Variants in SHISA9 observed in about 807,000 individuals in gnomAD.
SHISA9 encodes shisa family member 9, also known as protein shisa-9.
Under a neutral mutation model 38.0 loss-of-function variants are expected in SHISA9, and 13 were observed. That is an observed-to-expected ratio of 0.34 (90% confidence interval 0.22 to 0.54). The LOEUF (loss-of-function observed/expected upper bound fraction) is 0.54, where lower values mean the gene tolerates loss of function less well. SHISA9 is among the 20% of genes least tolerant of loss of function. The pLI, the probability that SHISA9 is intolerant of heterozygous loss-of-function variation, is 0.91. For synonymous variants in SHISA9, 275 were observed against 242.0 expected (o/e 1.14, Z -1.27); for missense variants, 538 against 575.8 (o/e 0.93, Z 0.67).
At chr16:12,926,483 T>A (rs1246876014) in intron 2 of SHISA9, among the ~76,000 whole-genome samples, 1 of 152,210 alleles carries the variant, frequency 6.6e-6, no homozygotes, top group African/African-American at 2.4e-5. Context: ...TATGTGCCAG[T>A]CAATGTGCCA....
chr16:13,200,292 G>C (rs961457075), intron 2 of SHISA9, among the ~76,000 whole-genome samples: 2 of 151,978 alleles, frequency 1.3e-5, no homozygotes, highest in East Asian at 3.9e-4. Flanking sequence ...ATCGCCACTT[G>C]AGTTGTGTGA....
At chr16:12,949,971 A>G (rs949136973) in intron 2 of SHISA9, among the ~76,000 whole-genome samples, 1 of 152,186 alleles carries the variant, frequency 6.6e-6, no homozygotes. Context: ...TACTGCTTCT[A>G]TCTAGCTGCA....
chr16:13,432,351 A>G, the SHISA9 span, among the ~76,000 whole-genome samples: 3 of 152,216 alleles, frequency 2.0e-5, no homozygotes, highest in South Asian at 2.1e-4. Context: ...AAAAGTTGCA[A>G]ATCTGGAATG....
rs1317138646 is a variant in SHISA9 at position 13,240,307 on chromosome 16, T to G, written c.*4898T>G. On this transcript the variant is annotated 3_prime_UTR_variant, in exon 5 of 5. Transcript: ENST00000558583. ...ATGATACGAATAATTCTTCCTACAA[T>G]GAAGAAAAAAACACATTTGTTTGTT... The G allele has an allele frequency of 1.3e-5, 2 of 152,308 alleles. No individual in the cohort carries two copies. Among genetic ancestry groups the G allele is most frequent in the African/African-American group, 4.8e-5 (2 of 41,570 alleles). The allele number at this position is 152,308 out of a possible 1,614,324, so 9.4% of individuals were successfully genotyped here.
intron 2 of SHISA9, among the ~76,000 whole-genome samples, chr16:13,178,584 C>T (rs1219872337): frequency 1.3e-5 from 2 of 152,108 alleles, no homozygotes; most frequent in Non-Finnish European, 2.9e-5. Context: ...CATCTAGCTC[C>T]GAGATGCTGG....
At chr16:13,171,018 C>A (rs1189374285) in intron 2 of SHISA9, among the ~76,000 whole-genome samples, 1 of 152,040 alleles carries the variant, frequency 6.6e-6, no homozygotes, top group Non-Finnish European at 1.5e-5. Context: ...TTTGATTCAC[C>A]CTTCTGCAGG....
intron 2 of SHISA9, among the ~76,000 whole-genome samples, chr16:13,175,432 A>T (rs984267298): frequency 6.6e-6 from 1 of 152,164 alleles, no homozygotes; most frequent in Non-Finnish European, 1.5e-5. Context: ...TATGTTCCAG[A>T]GATGCTATAA....
intron 1 of SHISA9, among the ~76,000 whole-genome samples, chr16:12,911,919 A>G (rs2071189101): frequency 1.3e-5 from 2 of 152,228 alleles, no homozygotes; most frequent in African/African-American, 2.4e-5. Context: ...ATTACTTTCA[A>G]TGTCAAAAAC....
At chr16:13,210,130 T>C (rs2051104243) in intron 3 of SHISA9, among the ~76,000 whole-genome samples, 1 of 152,120 alleles carries the variant, frequency 6.6e-6, no homozygotes, top group Non-Finnish European at 1.5e-5. Context: ...TAAAGCTCAC[T>C]TGGTGGTTCA....
the SHISA9 span, among the ~76,000 whole-genome samples, chr16:13,276,028 G>A: frequency 1.3e-5 from 2 of 151,846 alleles, no homozygotes; most frequent in African/African-American, 2.4e-5. Context: ...CCCATCATGC[G>A]AGCAGTATAC....
chr16:13,433,169 C>T, the SHISA9 span, among the ~76,000 whole-genome samples: 1 of 151,336 alleles, frequency 6.6e-6, no homozygotes, highest in Non-Finnish European at 1.5e-5. Flanking sequence ...CTTATTAATG[C>T]TTACCATGTT....
At chr16:13,063,878 C>T (rs951234910) in intron 2 of SHISA9, among the ~76,000 whole-genome samples, 4 of 152,146 alleles carry the variant, frequency 2.6e-5, no homozygotes, top group African/African-American at 9.7e-5. Context: ...TAGCCCTAAC[C>T]CATTCTGACA....
At chr16:13,257,781 C>G in the SHISA9 span, among the ~76,000 whole-genome samples, 15 of 152,192 alleles carry the variant, frequency 9.9e-5, no homozygotes, top group African/African-American at 3.6e-4. Context: ...ATATTTTAGG[C>G]TCCCTTCTGT....
At chr16:13,263,004 C>T in the SHISA9 span, among the ~76,000 whole-genome samples, 1 of 152,136 alleles carries the variant, frequency 6.6e-6, no homozygotes, top group Non-Finnish European at 1.5e-5. Flanking sequence ...TCAATCTAGA[C>T]AATAAGAAGC....
At chr16:13,411,994 C>A in the SHISA9 span, among the ~76,000 whole-genome samples, 1 of 151,760 alleles carries the variant, frequency 6.6e-6, no homozygotes, top group Non-Finnish European at 1.5e-5. Flanking sequence ...AAAAATTTTT[C>A]AGAGGGGGAT....
intron 2 of SHISA9, among the ~76,000 whole-genome samples, chr16:13,002,686 C>T (rs2072540903): frequency 6.6e-6 from 1 of 151,922 alleles, no homozygotes. Context: ...ATGCGCACCA[C>T]CGCACTGGGC....
At chr16:13,179,627 C>T (rs893279555) in intron 2 of SHISA9, among the ~76,000 whole-genome samples, 1 of 152,184 alleles carries the variant, frequency 6.6e-6, no homozygotes, top group Non-Finnish European at 1.5e-5. Flanking sequence ...CTGGCCTTGG[C>T]TCCAATGATG....
At chr16:12,962,677 T>C (rs746100952) in intron 2 of SHISA9, among the ~76,000 whole-genome samples, 22 of 152,256 alleles carry the variant, frequency 1.4e-4, no homozygotes, top group Non-Finnish European at 2.9e-4. Flanking sequence ...TGATTTGGAC[T>C]TCCCAGCCTC....
intron 2 of SHISA9, among the ~76,000 whole-genome samples, chr16:13,165,769 G>A (rs1156421568): frequency 6.6e-6 from 1 of 152,210 alleles, no homozygotes; most frequent in African/African-American, 2.4e-5. Context: ...TTTCTGCTGT[G>A]TATTTATTAA....
Sources: allele counts gnomAD v4.1 joint callset (sites outside exome capture counted in the v4.1 genomes callset), GRCh38; gene constraint gnomAD v4.1.1; transcripts MANE v1.5; gene names NCBI Gene and HGNC (gene_info 2026-07-23, HGNC 2026-07-21).